Variants in LRP1B observed in about 807,000 individuals in gnomAD.
LRP1B encodes the protein low-density lipoprotein receptor-related protein 1B.
LRP1B carries 217 observed loss-of-function variants against 556.6 expected under a neutral mutation model. The ratio of observed to expected loss-of-function variants is 0.39; its 90% CI spans 0.35 to 0.44. The LOEUF (loss-of-function observed/expected upper bound fraction) is 0.44, where lower values mean the gene tolerates loss of function less well. Among genes scored for constraint, LRP1B ranks in the 20% least tolerant of loss-of-function variants. LRP1B has a pLI of 1.00. For missense variants in LRP1B, 5,053 were observed against 5,620.8 expected (o/e 0.90, Z 3.23); for synonymous variants, 2,047 against 1,865.8 (o/e 1.10, Z -2.50).
chr2:140,255,654 A>C lies in LRP1B; in HGVS notation c.13248-8492T>G, dbSNP rs1367117906. ...TGATCAGTGTACTTGCTGTTTGACA[A>C]ATGAATAGATGAATGCATGAAAACA... On this transcript the variant is annotated intron_variant, in intron 86 of 90. Coordinates refer to ENST00000389484, the MANE Select transcript of LRP1B (RefSeq NM_018557.3). Among the ~76,000 whole-genome samples the C allele has an allele frequency of 2.0e-5, 3 of 152,202 alleles. No homozygotes were observed. The East Asian group carries it at 5.8e-4, about 29-fold the overall frequency.
chr2:140,805,864 C>CAT (rs915602328), intron 32 of LRP1B, among the ~76,000 whole-genome samples: 3 of 151,894 alleles, frequency 2.0e-5, no homozygotes, highest in South Asian at 2.1e-4. Context: ...TATGTGTGTG[C>CAT]ATATATATAT....
intron 2 of LRP1B, among the ~76,000 whole-genome samples, chr2:141,636,916 T>C (rs904095557): frequency 1.3e-5 from 2 of 152,108 alleles, no homozygotes; most frequent in African/African-American, 4.8e-5. Flanking sequence ...TGTAAATATA[T>C]AGAAGGATGC....
At chr2:141,634,930 T>C (rs544080446) in intron 2 of LRP1B, among the ~76,000 whole-genome samples, 3 of 152,042 alleles carry the variant, frequency 2.0e-5, no homozygotes, top group African/African-American at 2.4e-5. Context: ...GTTATTATGA[T>C]TGTAAAATGA....
At chr2:141,026,547 T>C (rs1287547001) in intron 11 of LRP1B, among the ~76,000 whole-genome samples, 1 of 152,066 alleles carries the variant, frequency 6.6e-6, no homozygotes, top group Non-Finnish European at 1.5e-5. Flanking sequence ...CATGTGACCA[T>C]ACTCCTGGAG....
intron 7 of LRP1B, among the ~76,000 whole-genome samples, chr2:141,131,657 C>T (rs12475336): frequency 0.43 from 63,574 of 148,714 alleles, 14,071 homozygotes; most frequent in Middle Eastern, 0.52. Context: ...AGGTGGGCTG[C>T]TATTCTGGGA....
At chr2:140,526,737 T>C (rs1225765602) in intron 47 of LRP1B, among the ~76,000 whole-genome samples, 1 of 150,798 alleles carries the variant, frequency 6.6e-6, no homozygotes, top group Non-Finnish European at 1.5e-5. Context: ...AAATTCTCTC[T>C]CTTTCCACCT....
chr2:140,927,629 A>G (rs903771184), intron 20 of LRP1B, among the ~76,000 whole-genome samples: 1 of 151,134 alleles, frequency 6.6e-6, no homozygotes. Flanking sequence ...CTATTATAAG[A>G]TCATGATAAA....
At chr2:141,099,028 T>C (rs1287583362) in intron 7 of LRP1B, among the ~76,000 whole-genome samples, 1 of 152,144 alleles carries the variant, frequency 6.6e-6, no homozygotes, top group Non-Finnish European at 1.5e-5. Flanking sequence ...AATTAAGGAT[T>C]ATTTGACTGC....
chr2:140,669,707 T>C (rs1361969295), intron 41 of LRP1B, among the ~76,000 whole-genome samples: 3 of 152,094 alleles, frequency 2.0e-5, no homozygotes, highest in Non-Finnish European at 4.4e-5. Flanking sequence ...TTCCTTTTAA[T>C]TCTTTATTAT....
intron 1 of LRP1B, among the ~76,000 whole-genome samples, chr2:142,017,407 T>A (rs1703182714): frequency 6.6e-6 from 1 of 152,216 alleles, no homozygotes; most frequent in African/African-American, 2.4e-5. Context: ...GATGTGGTGA[T>A]AAACTATTAT....
intron 32 of LRP1B, among the ~76,000 whole-genome samples, chr2:140,812,988 C>T (rs556068605): frequency 6.6e-6 from 1 of 152,046 alleles, no homozygotes; most frequent in Non-Finnish European, 1.5e-5. Context: ...TTGAAAAATT[C>T]AAACTATCTT....
intron 1 of LRP1B, among the ~76,000 whole-genome samples, chr2:142,088,679 T>C (rs2104944855): frequency 6.6e-6 from 1 of 152,198 alleles, no homozygotes; most frequent in East Asian, 1.9e-4. Context: ...ATTTGTTCAA[T>C]AGTTACTGAC....
chr2:141,480,340 T>A, intron 3 of LRP1B, 56 bp downstream of exon 3: 1 of 1,593,460 alleles, frequency 6.3e-7, no homozygotes, highest in Non-Finnish European at 8.6e-7. Context: ...TCTTTGAACT[T>A]TCATTACTAT....
At chr2:141,518,880 G>A (rs1440548425) in intron 2 of LRP1B, among the ~76,000 whole-genome samples, 3 of 152,142 alleles carry the variant, frequency 2.0e-5, no homozygotes, top group Admixed American at 6.5e-5. Flanking sequence ...AACCTGGGAG[G>A]CGGAGGCTGC....
At chr2:141,715,686 G>C (rs1375788443) in intron 2 of LRP1B, among the ~76,000 whole-genome samples, 1 of 151,872 alleles carries the variant, frequency 6.6e-6, no homozygotes, top group Non-Finnish European at 1.5e-5. Context: ...ATTGTGGTGG[G>C]TGCCTATAAT....
intron 83 of LRP1B, among the ~76,000 whole-genome samples, chr2:140,302,963 T>C (rs1683897140): frequency 6.9e-6 from 1 of 145,670 alleles, no homozygotes; most frequent in Non-Finnish European, 1.5e-5. Flanking sequence ...ACCATTGAAC[T>C]CCTCAGGCTC....
chr2:141,878,413 A>C (rs1435593), intron 1 of LRP1B, among the ~76,000 whole-genome samples: 53 of 151,810 alleles, frequency 3.5e-4, no homozygotes, highest in East Asian at 1.9e-3. Context: ...ACACAAACTC[A>C]AGAGCAATTG....
At chr2:140,251,815 T>A (rs895197855) in intron 86 of LRP1B, among the ~76,000 whole-genome samples, 2 of 151,674 alleles carry the variant, frequency 1.3e-5, no homozygotes, top group Non-Finnish European at 2.9e-5. Flanking sequence ...TTACAGGTTA[T>A]GCATCAGTTT....
At chr2:141,509,804 T>A (rs1404965130) in intron 2 of LRP1B, among the ~76,000 whole-genome samples, 1 of 152,190 alleles carries the variant, frequency 6.6e-6, no homozygotes, top group African/African-American at 2.4e-5. Flanking sequence ...TTCATTCTTA[T>A]AGGAAAATTA....
Sources: allele counts gnomAD v4.1 joint callset (sites outside exome capture counted in the v4.1 genomes callset), GRCh38; gene constraint gnomAD v4.1.1; transcripts MANE v1.5; gene names NCBI Gene and HGNC (gene_info 2026-07-23, HGNC 2026-07-21).